Variants in UGT2B7 observed in about 807,000 individuals in gnomAD.
UGT2B7 encodes UDP-glucuronosyltransferase 2B7.
Under a neutral mutation model 51.9 loss-of-function variants are expected in UGT2B7, and 51 were observed. The observed-to-expected ratio is 0.98, with a 90% CI of 0.78 to 1.24. The LOEUF (loss-of-function observed/expected upper bound fraction) is 1.24. Among genes scored for constraint, UGT2B7 ranks in the 50% most tolerant of loss-of-function variants. UGT2B7 has a pLI of 0.00. For synonymous variants in UGT2B7, 225 were observed against 211.6 expected, an observed-to-expected ratio of 1.06 and a Z score of -0.55; for missense variants, 727 against 628.4, an observed-to-expected ratio of 1.16 and a Z score of -1.68.
chr4:69,061,044 A>G (rs979512990), intron 1 of UGT2B7, among the ~76,000 whole-genome samples: 10 of 152,292 alleles, frequency 6.6e-5, no homozygotes, highest in African/African-American at 2.4e-4. Context: ...GCAGCTTCAT[A>G]CTAGAGGGAG....
Position 69,074,947 on chromosome 4 carries a change from C to A in UGT2B7, c.-158-14525C>A, listed in dbSNP as rs1424803880. On this transcript the variant is annotated intron_variant, in intron 1 of 5. Coordinates refer to the UGT2B7 transcript ENST00000502942. ...GGGAAAAAGTTGAGTCGCTTATGAT[C>A]ACCTCACTATACTATGTTGTTTAAT... Among the ~76,000 whole-genome samples the A allele has an allele frequency of 2.0e-5, 3 of 152,002 alleles. No homozygotes were observed. The South Asian group carries it at 6.2e-4, about 32-fold the overall frequency.
intron 1 of UGT2B7, among the ~76,000 whole-genome samples, chr4:69,065,380 CA>C (rs971275480): frequency 1.3e-5 from 2 of 152,130 alleles, no homozygotes; most frequent in African/African-American, 4.8e-5. Flanking sequence ...TTAAGGTAGA[CA>C]GAATCTGTCA....
At chr4:69,055,248 A>T (rs1718157862) in intron 1 of UGT2B7, among the ~76,000 whole-genome samples, 1 of 151,280 alleles carries the variant, frequency 6.6e-6, no homozygotes, top group Non-Finnish European at 1.5e-5. Flanking sequence ...AAAAATAAGT[A>T]TATCTGTCAA....
intron 1 of UGT2B7, among the ~76,000 whole-genome samples, chr4:69,073,213 A>T (rs1257880018): frequency 1.3e-5 from 2 of 152,166 alleles, no homozygotes; most frequent in Non-Finnish European, 2.9e-5. Context: ...ACAAATCAAC[A>T]CTGGAGTAGC....
intron 1 of UGT2B7, among the ~76,000 whole-genome samples, chr4:69,072,803 T>A (rs1718628403): frequency 6.6e-6 from 1 of 152,172 alleles, no homozygotes; most frequent in Non-Finnish European, 1.5e-5. Context: ...TTCAGTATCA[T>A]AAAGTTATAT....
intron 3 of UGT2B7, among the ~76,000 whole-genome samples, chr4:69,103,909 T>C (rs182630230): frequency 2.0e-4 from 31 of 152,318 alleles, no homozygotes; most frequent in Admixed American, 9.2e-4. Context: ...TATAACATGA[T>C]TGAATGTTAT....
Position 69,107,210 on chromosome 4 carries a change from CTTAGGTCTCAAT to C in UGT2B7, c.1039_1050del (p.Leu347_Asn350del). 6.2e-7 allele frequency: 1 copy of C among 1,609,382 alleles called. No homozygotes were observed. ...GATTTGATGGGAATAAACCAGATAC[CTTAGGTCTCAAT>C]ACTCGGCTCTACAAGTGGATACCCC... On this transcript the variant is annotated inframe_deletion, in exon 4 of 6. Coordinates refer to ENST00000305231, the MANE Select transcript of UGT2B7 (RefSeq NM_001074.4).
chr4:69,077,016 A>C (rs1336928689), intron 1 of UGT2B7, among the ~76,000 whole-genome samples: 2 of 152,206 alleles, frequency 1.3e-5, no homozygotes, highest in Non-Finnish European at 2.9e-5. Flanking sequence ...CAGTTTTCCC[A>C]GCACCATTTA....
At position 69,112,411 on chromosome 4, in the gene UGT2B7, C is replaced by CT; in HGVS notation, c.1311-45dup. On this transcript the variant is annotated intron_variant, in intron 5 of 5. Coordinates refer to ENST00000305231, the MANE Select transcript of UGT2B7 (RefSeq NM_001074.4). ...TAACTCGGTGTCTGAGGGGTTTTGT[C>CT]TGTAACTCTTCCTGCTACATTACTG... 3.2e-6 allele frequency: 5 copies of CT among 1,586,044 alleles called. No individual in the cohort carries two copies. The South Asian group carries it at 5.8e-5, about 18-fold the overall frequency.
At chr4:69,087,636 A>T (rs1718991777) in intron 1 of UGT2B7, among the ~76,000 whole-genome samples, 1 of 151,962 alleles carries the variant, frequency 6.6e-6, no homozygotes, top group Non-Finnish European at 1.5e-5. Context: ...GATGTTTATG[A>T]ATGCCTTATC....
chr4:69,110,694 C>T (rs1051834586), intron 5 of UGT2B7, among the ~76,000 whole-genome samples: 2 of 151,986 alleles, frequency 1.3e-5, no homozygotes, highest in Non-Finnish European at 1.5e-5. Flanking sequence ...TATTCGAAGT[C>T]AGGCTAATCC....
At chr4:69,110,433 C>G (rs937032366) in intron 5 of UGT2B7, among the ~76,000 whole-genome samples, 27 of 151,358 alleles carry the variant, frequency 1.8e-4, no homozygotes, top group African/African-American at 6.3e-4. Context: ...CAGTTATATA[C>G]CCAACAGATA....
At chr4:69,078,242 T>A in intron 1 of UGT2B7, among the ~76,000 whole-genome samples, 1 of 152,180 alleles carries the variant, frequency 6.6e-6, no homozygotes, top group Non-Finnish European at 1.5e-5. Flanking sequence ...TCATCAGGCA[T>A]ATTCGCCTGA....
intron 2 of UGT2B7, among the ~76,000 whole-genome samples, chr4:69,090,487 T>C (rs1325290188): frequency 6.6e-6 from 1 of 151,590 alleles, no homozygotes; most frequent in African/African-American, 2.4e-5. Context: ...TAAATTAATA[T>C]ATAAAATCAA....
intron 1 of UGT2B7, among the ~76,000 whole-genome samples, chr4:69,052,470 T>G (rs1718049385): frequency 6.7e-6 from 1 of 149,972 alleles, no homozygotes; most frequent in East Asian, 2.0e-4. Flanking sequence ...AAGTTAACAG[T>G]GTAACACATA....
intron 1 of UGT2B7, among the ~76,000 whole-genome samples, chr4:69,071,694 T>G (rs1718605062): frequency 6.6e-6 from 1 of 152,086 alleles, no homozygotes; most frequent in Admixed American, 6.6e-5. Context: ...TGAATTATTA[T>G]AATGTCTAGA....
At chr4:69,085,119 T>C (rs1718922216) in intron 1 of UGT2B7, among the ~76,000 whole-genome samples, 1 of 152,164 alleles carries the variant, frequency 6.6e-6, no homozygotes. Flanking sequence ...CTCCACATCC[T>C]CTCCAGCATC....
At chr4:69,083,223 T>C (rs2109874895) in intron 1 of UGT2B7, among the ~76,000 whole-genome samples, 1 of 152,218 alleles carries the variant, frequency 6.6e-6, no homozygotes, top group African/African-American at 2.4e-5. Context: ...AAGAGATTAA[T>C]GTTGTTTTCA....
intron 5 of UGT2B7, among the ~76,000 whole-genome samples, chr4:69,109,834 G>A (rs896792964): frequency 1.3e-5 from 2 of 151,850 alleles, no homozygotes; most frequent in African/African-American, 4.8e-5. Flanking sequence ...TATCAATAAT[G>A]TTTTTTTATA....
Sources: gnomAD v4.1 joint callset for allele counts (sites outside exome capture counted in the v4.1 genomes callset) on GRCh38, gnomAD v4.1.1 for gene constraint, MANE v1.5 for transcripts, NCBI Gene and HGNC (gene_info 2026-07-23, HGNC 2026-07-21) for gene names.